Variants in PPP2R1A observed in about 807,000 individuals in gnomAD.
The protein encoded by PPP2R1A is protein phosphatase 2 scaffold subunit Aalpha.
In PPP2R1A, 15 loss-of-function variants were observed where a neutral mutation model predicts 67.1. That is an observed-to-expected ratio of 0.22 (90% CI 0.15 to 0.34). The LOEUF (loss-of-function observed/expected upper bound fraction) is 0.34. Ranked by LOEUF, PPP2R1A falls within the 10% of genes least tolerant of loss-of-function variation. The pLI is 1.00. For missense variants in PPP2R1A, 369 were observed against 775.0 expected (o/e 0.48, Z 6.22); for synonymous variants, 337 against 325.0 (o/e 1.04, Z -0.40).
rs184937770 is a variant in PPP2R1A at position 52,195,133 on chromosome 19, C to G, written c.78+4959C>G. 9.4e-4 allele frequency among the ~76,000 whole-genome samples: 143 copies of G among 152,222 alleles called. 2 individuals are homozygous for G. Among genetic ancestry groups the G allele is most frequent in the African/African-American group, 3.3e-3 (139 of 41,536 alleles). The stretch of plus-strand genomic sequence containing the variant: ...ATATACATTCATATTATGGAAGGCT[C>G]CATGGGTTGAATGCAGGGTGGATCT... On this transcript the variant is annotated intron_variant, in intron 1 of 14. Coordinates refer to ENST00000322088, the MANE Select transcript of PPP2R1A (RefSeq NM_014225.6).
intron 11 of PPP2R1A, among the ~76,000 whole-genome samples, chr19:52,220,720 T>C (rs1263765782): frequency 6.6e-6 from 1 of 152,194 alleles, no homozygotes; most frequent in Non-Finnish European, 1.5e-5. Context: ...GGCAAATCAC[T>C]TCTTAGAGCC....
intron 10 of PPP2R1A, 70 bp from the exon 11 acceptor site, chr19:52,220,119 A>G: frequency 6.6e-7 from 1 of 1,523,716 alleles, no homozygotes; most frequent in Non-Finnish European, 9.1e-7. Context: ...GTTCCATGGG[A>G]TGTGGCTAGC....
intron 11 of PPP2R1A, among the ~76,000 whole-genome samples, chr19:52,220,456 G>C (rs915914896): frequency 5.9e-5 from 9 of 152,122 alleles, no homozygotes; most frequent in African/African-American, 1.4e-4. Context: ...GGGTTGCCTG[G>C]TATAGTGGAG....
At chr19:52,206,493 C>T (rs10423794) in intron 3 of PPP2R1A, among the ~76,000 whole-genome samples, 1 of 152,066 alleles carries the variant, frequency 6.6e-6, no homozygotes, top group South Asian at 2.1e-4. Flanking sequence ...AGGTACTAAC[C>T]GATGTTAACT....
chr19:52,207,491 C>T (rs746629981), intron 3 of PPP2R1A, among the ~76,000 whole-genome samples: 1 of 152,186 alleles, frequency 6.6e-6, no homozygotes, highest in Non-Finnish European at 1.5e-5. Flanking sequence ...ACAGAACATT[C>T]TCAGTGAGGA....
At chr19:52,220,111 T>A in intron 10 of PPP2R1A, 78 bp from the exon 11 acceptor site, 6 of 1,496,412 alleles carry the variant, frequency 4.0e-6, no homozygotes, top group Non-Finnish European at 5.6e-6. Context: ...GGGTGTAGGT[T>A]CCATGGGATG....
At position 52,220,213 on chromosome 19, in the gene PPP2R1A, CTT is replaced by C; in HGVS notation, c.1328_1329del (p.Leu443GlnfsTer67). On this transcript the variant is annotated frameshift_variant, in exon 11 of 15. Transcript: ENST00000322088. LOFTEE classifies it high-confidence loss of function. Reference protein sequence around the residue: ...QLGVEFFDEKLNSLCMAWLVD... With the variant: ...QLGVEFFDEKXNSLCMAWLVD... ...GGGAGTGGAGTTCTTTGATGAGAAA[CTT>C]AACTCCTTGTGCATGGCCTGGCTTG... 1 of 1,614,098 alleles carries C rather than the reference CTT, an allele frequency of 6.2e-7. No homozygotes were observed. Among genetic ancestry groups the C allele is most frequent in the Non-Finnish European group, 8.5e-7 (1 of 1,180,002 alleles).
Position 52,211,221 on chromosome 19 carries a change from G to A in PPP2R1A, c.271-39G>A. ...TGGGGCTCCAGGGCTGCGGATGGTGGAGAGGGAGCTGTCCAGTGACTTTGT... is the reference window on the plus strand; with the variant it reads ...TGGGGCTCCAGGGCTGCGGATGGTGAAGAGGGAGCTGTCCAGTGACTTTGT... On this transcript the variant is annotated intron_variant, in intron 3 of 14. Coordinates refer to ENST00000322088, the MANE Select transcript of PPP2R1A (RefSeq NM_014225.6). The surrounding 1 kb of genome is among the most constrained non-coding windows in gnomAD (Gnocchi z 5.3). 6.3e-7 allele frequency: 1 copy of A among 1,590,320 alleles called. No homozygotes were observed. The highest frequency in any genetic ancestry group is 8.6e-7 in the Non-Finnish European group (1 of 1,165,822).
At chr19:52,215,085 TCA>T (rs1397803235) in intron 6 of PPP2R1A, among the ~76,000 whole-genome samples, 1 of 152,158 alleles carries the variant, frequency 6.6e-6, no homozygotes, top group East Asian at 1.9e-4. Flanking sequence ...AGACAGGGTC[TCA>T]CACCATCACC....
chr19:52,217,673 G>A (rs945370031), intron 9 of PPP2R1A, among the ~76,000 whole-genome samples: 4 of 152,070 alleles, frequency 2.6e-5, no homozygotes, highest in Admixed American at 2.0e-4. Flanking sequence ...GCTTAAATTC[G>A]GTGGTGGATT....
intron 1 of PPP2R1A, 31 bp downstream of exon 1, chr19:52,190,205 C>T (rs1169483564): frequency 1.3e-6 from 2 of 1,546,872 alleles, no homozygotes. Context: ...TTGGGGAAGA[C>T]GCGGAGGGGT....
At chr19:52,217,968 C>G (rs1324127693) in intron 9 of PPP2R1A, among the ~76,000 whole-genome samples, 4 of 152,050 alleles carry the variant, frequency 2.6e-5, no homozygotes, top group Non-Finnish European at 5.9e-5. Context: ...AGGTGGCCAG[C>G]AGCAGTGTAG....
chr19:52,216,745 AC>A lies in PPP2R1A; in HGVS notation c.1128+84del. 1.9e-6 allele frequency: 3 copies of A among 1,585,022 alleles called. No individual in the cohort carries two copies. Among genetic ancestry groups the A allele is most frequent in the Non-Finnish European group, 1.7e-6 (2 of 1,157,490 alleles). On this transcript the variant is annotated intron_variant, in intron 9 of 14. Transcript: ENST00000322088. The surrounding 1 kb of genome is among the most constrained non-coding windows in gnomAD (Gnocchi z 4.3). ...AGATTGCTAGGGTTTACCTAGATTG[AC>A]CAGGAATCTGCTGATATCTCAACAG... is the stretch of plus-strand genomic sequence containing the variant.
intron 11 of PPP2R1A, 93 bp downstream of exon 11, chr19:52,220,342 A>G: frequency 7.3e-7 from 1 of 1,361,462 alleles, no homozygotes; most frequent in Non-Finnish European, 1.0e-6. Flanking sequence ...GGAGGAGGCT[A>G]GAGTCACTCC....
chr19:52,225,951 TC>T lies in PPP2R1A; in HGVS notation c.1754-12del, dbSNP rs1979233617. On this transcript the variant is annotated splice_polypyrimidine_tract_variant and intron_variant, in intron 14 of 14. Transcript: ENST00000322088. ...GGCTCTGGTTCTGATTCTTGCCTGT[TC>T]CTGTTTTCCTAGTTCTGTCTCTCGC... 7 of 1,614,212 alleles carry T rather than the reference TC, an allele frequency of 4.3e-6. No homozygotes were observed. The highest frequency in any genetic ancestry group is 5.9e-6 in the Non-Finnish European group (7 of 1,180,038).
chr19:52,193,849 C>T (rs2089475341), intron 1 of PPP2R1A, among the ~76,000 whole-genome samples: 1 of 151,950 alleles, frequency 6.6e-6, no homozygotes, highest in Admixed American at 6.6e-5. Context: ...AGCCACCACC[C>T]CTGGCCAATT....
At position 52,212,301 on chromosome 19, in the gene PPP2R1A, T is replaced by A. The variant is rs2089677310; in HGVS notation, c.504-385T>A. On this transcript the variant is annotated intron_variant, in intron 4 of 14. Coordinates refer to ENST00000322088, the MANE Select transcript of PPP2R1A (RefSeq NM_014225.6). This position sits in a 1 kb window ranked among gnomAD's most constrained non-coding sequence, Gnocchi z 4.1. Reference sequence around the variant, plus strand: ...GGTCTCACTATGTTGCTCAGGCTGGTCTTGAACTCCTGGGCTCAAGCAATC... The same window carrying A: ...GGTCTCACTATGTTGCTCAGGCTGGACTTGAACTCCTGGGCTCAAGCAATC... Among the ~76,000 whole-genome samples the A allele has an allele frequency of 6.6e-6, 1 of 151,940 alleles. No individual in the cohort carries two copies. The highest frequency in any genetic ancestry group is 1.5e-5 in the Non-Finnish European group (1 of 67,992).
rs2089692511 is a variant in PPP2R1A at position 52,213,380 on chromosome 19, A to G, written c.807+270A>G. Among the ~76,000 whole-genome samples the G allele has an allele frequency of 6.6e-6, 1 of 150,758 alleles. No individual in the cohort carries two copies. The highest frequency in any genetic ancestry group is 2.1e-4 in the South Asian group (1 of 4,720). On this transcript the variant is annotated intron_variant, in intron 6 of 14. Coordinates refer to ENST00000322088, the MANE Select transcript of PPP2R1A (RefSeq NM_014225.6). This position sits in a 1 kb window ranked among gnomAD's most constrained non-coding sequence, Gnocchi z 4.2. ...CCACAGGAGCAGAGAAGGGTAGCAC[A>G]TGTGGGGTGTTCCTGACATAATCAA...
chr19:52,211,415 C>T lies in PPP2R1A; in HGVS notation c.426C>T (p.Thr142=), dbSNP rs774301300. ...GGCTGGCGGGCGGCGACTGGTTCAC[C>T]TCCCGCACCTCGGCCTGCGGCCTCT... ...VKRLAGGDWF[T]SRTSACGLFS... Residue 142 remains threonine, a synonymous_variant, in exon 4 of 15, where the codon ACC becomes ACT. Coordinates refer to ENST00000322088, the MANE Select transcript of PPP2R1A (RefSeq NM_014225.6). The surrounding 1 kb of genome is among the most constrained non-coding windows in gnomAD (Gnocchi z 5.3). 6.2e-7 allele frequency: 1 copy of T among 1,613,970 alleles called. No homozygotes were observed. The highest frequency in any genetic ancestry group is 1.7e-5 in the Admixed American group (1 of 60,026).
Sources: gnomAD v4.1 joint callset for allele counts (sites outside exome capture counted in the v4.1 genomes callset) on GRCh38, gnomAD v4.1.1 for gene constraint, Gnocchi (gnomAD v3.1) non-coding constraint, MANE v1.5 for transcripts, NCBI Gene and HGNC (gene_info 2026-07-23, HGNC 2026-07-21) for gene names.